BTK: variants seen among roughly 807,000 people sequenced by gnomAD.
The protein encoded by BTK is tyrosine-protein kinase BTK.
BTK carries 5 observed loss-of-function variants against 57.4 expected under a neutral mutation model. The ratio of observed to expected loss-of-function variants is 0.09; its 90% confidence interval spans 0.05 to 0.18. The LOEUF is 0.18. Ranked by LOEUF, BTK falls within the 10% of genes least tolerant of loss-of-function variation. BTK has a pLI of 1.00. For missense variants in BTK, 194 were observed against 501.2 expected, an observed-to-expected ratio of 0.39 and a Z score of 5.85; for synonymous variants, 154 against 174.3, an observed-to-expected ratio of 0.88 and a Z score of 0.92.
At chrX:101,352,094 C>T (rs933599800) in intron 18 of BTK, among the ~76,000 whole-genome samples, 2 of 100,511 alleles carry the variant, frequency 2.0e-5, no homozygotes, top group Non-Finnish European at 3.9e-5. Context: ...ACCCAGGAGG[C>T]GGGGCTTGCG....
Position 101,360,134 on chromosome X carries a change from G to C in BTK, c.793C>G (p.Pro265Ala). Residue 265 changes from proline (P) to alanine (A), a missense_variant, in exon 9 of 19, where the codon CCT becomes GCT. Pro to Ala is a conservative substitution (Grantham distance 27). Transcript: ENST00000308731. ...TCTGCTTCAGTGACATAGTTACTAG[G>C]AATGTAGCCTTCCTGCCTGTGAAGG... ...RDKNGQEGYI[P>A]SNYVTEAEDS... The C allele has an allele frequency of 8.3e-7, 1 of 1,204,641 alleles. No individual in the cohort carries two copies. The highest frequency in any genetic ancestry group is 1.1e-6 in the Non-Finnish European group (1 of 890,791).
chrX:101,368,660 T>C (rs1341636348), intron 5 of BTK, among the ~76,000 whole-genome samples: 2 of 112,565 alleles, frequency 1.8e-5, no homozygotes, highest in Non-Finnish European at 3.8e-5. Flanking sequence ...TCATTAAGTG[T>C]TAGTTATCAT....
At chrX:101,378,796 A>G (rs1289944047) in intron 1 of BTK, among the ~76,000 whole-genome samples, 1 of 111,869 alleles carries the variant, frequency 8.9e-6, no homozygotes, top group Non-Finnish European at 1.9e-5. Flanking sequence ...CAGTATGCCA[A>G]GGAATTAATA....
At chrX:101,388,146 G>T (rs1372535455), upstream of BTK, among the ~76,000 whole-genome samples, 2 of 111,436 alleles carry the variant, frequency 1.8e-5, no homozygotes, top group Admixed American at 9.6e-5. Flanking sequence ...GATTACATGC[G>T]TGAGCCACCG....
upstream of BTK, among the ~76,000 whole-genome samples, chrX:101,390,300 C>T (rs1927739692): frequency 8.9e-6 from 1 of 112,074 alleles, no homozygotes; most frequent in Admixed American, 9.5e-5. Flanking sequence ...CTTTCTACTT[C>T]TAGGCTTGAT....
intron 1 of BTK, among the ~76,000 whole-genome samples, chrX:101,380,786 G>C (rs1186878318): frequency 9.1e-6 from 1 of 109,876 alleles, no homozygotes; most frequent in African/African-American, 3.3e-5. Context: ...GCTGAGGCGG[G>C]TGGATGACAA....
intron 7 of BTK, among the ~76,000 whole-genome samples, chrX:101,361,098 C>T (rs1490057008): frequency 9.1e-6 from 1 of 110,279 alleles, no homozygotes; most frequent in Non-Finnish European, 1.9e-5. Flanking sequence ...TGCATATAGC[C>T]CCAGCTACTC....
At chrX:101,373,040 C>G (rs1927086102) in intron 3 of BTK, among the ~76,000 whole-genome samples, 1 of 108,655 alleles carries the variant, frequency 9.2e-6, no homozygotes, top group African/African-American at 3.4e-5. Context: ...GGAGATCGCA[C>G]CACTGCACTC....
At chrX:101,357,074 A>T in intron 13 of BTK, 119 bp from the exon 14 acceptor site, 1 of 767,001 alleles carries the variant, frequency 1.3e-6, no homozygotes, top group Non-Finnish European at 2.0e-6. Flanking sequence ...TTTTAGAAGT[A>T]CTAATCTGTC....
upstream of BTK, chrX:101,390,539 C>T (rs1395593574): frequency 9.7e-6 from 5 of 514,063 alleles, no homozygotes; most frequent in Non-Finnish European, 1.7e-5. Flanking sequence ...TTGAATGGAC[C>T]AACTGGCCAT....
At chrX:101,389,118 C>T (rs1828277632), upstream of BTK, among the ~76,000 whole-genome samples, 2 of 111,479 alleles carry the variant, frequency 1.8e-5, no homozygotes, top group Admixed American at 1.9e-4. Context: ...TTTTAAGTGT[C>T]CTCACCACCC....
chrX:101,356,618 G>A, intron 14 of BTK, 166 bp downstream of exon 14: 1 of 566,651 alleles, frequency 1.8e-6, no homozygotes. Context: ...CTAAGGCACA[G>A]AAACTATTAT....
chrX:101,356,223 G>A lies in BTK; in HGVS notation c.1395C>T (p.Thr465=). Residue 465 remains threonine, a synonymous_variant, in exon 15 of 19, where the codon ACC becomes ACT. Transcript: ENST00000308731. ...EKLVQLYGVC[T]KQRPIFIITE... ...TGATGATGAAGATGGGGCGCTGCTT[G>A]GTGCAGACGCCATACAACTGCACCA... 1 of 1,211,558 alleles carries A rather than the reference G, an allele frequency of 8.3e-7. No homozygotes were observed.
chrX:101,349,868 G>T lies in BTK; in HGVS notation c.*17C>A. 8.4e-7 allele frequency: 1 copy of T among 1,193,635 alleles called. No individual in the cohort carries two copies. Among genetic ancestry groups the T allele is most frequent in the Non-Finnish European group, 1.1e-6 (1 of 879,733 alleles). On this transcript the variant is annotated 3_prime_UTR_variant, in exon 19 of 19. Coordinates refer to ENST00000308731, the MANE Select transcript of BTK (RefSeq NM_000061.3). ...TTGTGGAGAAGAGAAGTAGAACCAA[G>T]AAGCTTATTGGCGAGCTCAGGATTC...
At chrX:101,384,253 T>G (rs1927543293) in intron 1 of BTK, among the ~76,000 whole-genome samples, 1 of 111,783 alleles carries the variant, frequency 8.9e-6, no homozygotes, top group Non-Finnish European at 1.9e-5. Context: ...ATTGCACCAA[T>G]CCCCCATAAC....
chrX:101,349,883 G>A lies in BTK; in HGVS notation c.*2C>T. 1 of 1,204,120 alleles carries A rather than the reference G, an allele frequency of 8.3e-7. No homozygotes were observed. The highest frequency in any genetic ancestry group is 3.0e-5 in the East Asian group (1 of 33,813). ...GTAGAACCAAGAAGCTTATTGGCGAGCTCAGGATTCTTCATCCATGACATC... is the reference window on the plus strand; with the variant it reads ...GTAGAACCAAGAAGCTTATTGGCGAACTCAGGATTCTTCATCCATGACATC... On this transcript the variant is annotated 3_prime_UTR_variant, in exon 19 of 19. Coordinates refer to ENST00000308731, the MANE Select transcript of BTK (RefSeq NM_000061.3).
At chrX:101,361,254 C>G (rs1926660997) in intron 7 of BTK, among the ~76,000 whole-genome samples, 2 of 110,462 alleles carry the variant, frequency 1.8e-5, no homozygotes, top group African/African-American at 6.6e-5. Context: ...ATTCCAATAC[C>G]TAGTCAGTTT....
chrX:101,350,453 T>TC (rs1231475303), intron 18 of BTK, among the ~76,000 whole-genome samples: 3 of 104,072 alleles, frequency 2.9e-5, no homozygotes, highest in Admixed American at 2.1e-4. Context: ...ACTAAGGTTT[T>TC]TTTTTTTTTT....
At chrX:101,374,705 G>A (rs782134127) in intron 2 of BTK, 71 bp from the exon 3 acceptor site, 22 of 911,992 alleles carry the variant, frequency 2.4e-5, no homozygotes, top group Non-Finnish European at 3.5e-5. Flanking sequence ...ATTAGATTTT[G>A]TTATCTAATC....
Sources: allele counts gnomAD v4.1 joint callset (sites outside exome capture counted in the v4.1 genomes callset), GRCh38; gene constraint gnomAD v4.1.1; transcripts MANE v1.5; gene names NCBI Gene and HGNC (gene_info 2026-07-23, HGNC 2026-07-21).